The following RALYL variants were observed in gnomAD, a reference collection of about 807,000 sequenced individuals.
The protein encoded by RALYL is RNA-binding Raly-like protein.
In RALYL, 29 loss-of-function variants were observed where a neutral mutation model predicts 35.1. That is an observed-to-expected ratio of 0.83 (90% CI 0.61 to 1.13). The LOEUF (loss-of-function observed/expected upper bound fraction) is 1.13, where lower values mean the gene tolerates loss of function less well. RALYL is among the 50% of genes most tolerant of loss of function. The pLI is 0.00. For missense variants in RALYL, 359 were observed against 360.4 expected (o/e 1.00, Z 0.03); for synonymous variants, 120 against 127.6 (o/e 0.94, Z 0.40).
chr8:84,735,809 C>CGTGAGAGAGAGAGAGAGAGA (rs766504736), intron 2 of RALYL, among the ~76,000 whole-genome samples: 39 of 119,108 alleles, frequency 3.3e-4, no homozygotes, highest in African/African-American at 1.2e-3. Flanking sequence ...TCATCCAAAC[C>CGTGAGAGAGAGAGAGAGAGA]GCGAGAGAGA....
chr8:84,559,592 T>C (rs1452615530), intron 2 of RALYL, among the ~76,000 whole-genome samples: 2 of 152,128 alleles, frequency 1.3e-5, no homozygotes, highest in Non-Finnish European at 2.9e-5. Flanking sequence ...TGGACTATTT[T>C]GATTCATAAT....
chr8:84,271,302 T>C (rs914595379), intron 1 of RALYL, among the ~76,000 whole-genome samples: 1 of 151,962 alleles, frequency 6.6e-6, no homozygotes, highest in Non-Finnish European at 1.5e-5. Context: ...CTCAACATCA[T>C]TAGGCATTAG....
intron 2 of RALYL, among the ~76,000 whole-genome samples, chr8:84,608,867 G>A (rs1018801744): frequency 3.9e-5 from 6 of 152,112 alleles, no homozygotes; most frequent in African/African-American, 1.2e-4. Flanking sequence ...ACCACGTTGC[G>A]TTCTGGGATT....
chr8:84,890,032 T>C (rs562168944), intron 8 of RALYL, among the ~76,000 whole-genome samples: 1 of 152,314 alleles, frequency 6.6e-6, no homozygotes, highest in South Asian at 2.1e-4. Context: ...TAAATATCTT[T>C]ATAAACTATC....
chr8:84,850,504 T>C (rs984499035), intron 5 of RALYL, among the ~76,000 whole-genome samples: 3 of 152,184 alleles, frequency 2.0e-5, no homozygotes, highest in Non-Finnish European at 4.4e-5. Flanking sequence ...GATGAGACCA[T>C]CCAATGAGGA....
chr8:84,387,033 G>A (rs1586770092), intron 1 of RALYL, among the ~76,000 whole-genome samples: 1 of 151,828 alleles, frequency 6.6e-6, no homozygotes, highest in East Asian at 1.9e-4. Context: ...AGGGTAGAGA[G>A]TGTCTCCTTC....
intron 1 of RALYL, among the ~76,000 whole-genome samples, chr8:84,247,700 C>T (rs1254201209): frequency 6.6e-6 from 1 of 152,034 alleles, no homozygotes; most frequent in Non-Finnish European, 1.5e-5. Context: ...TTTCCAAGAG[C>T]TTATAATAAA....
At chr8:84,499,045 T>TA (rs1587801436) in intron 1 of RALYL, among the ~76,000 whole-genome samples, 2 of 151,672 alleles carry the variant, frequency 1.3e-5, no homozygotes, top group African/African-American at 4.8e-5. Flanking sequence ...AGCAGTCTTA[T>TA]AAGTAAAAGG....
chr8:84,464,119 A>C (rs1270996065), intron 1 of RALYL, among the ~76,000 whole-genome samples: 2 of 147,436 alleles, frequency 1.4e-5, no homozygotes, highest in Non-Finnish European at 3.0e-5. Flanking sequence ...TTATTTAAAA[A>C]CATTAAAACA....
chr8:84,885,334 T>G (rs1229197552), intron 7 of RALYL, among the ~76,000 whole-genome samples: 3 of 152,122 alleles, frequency 2.0e-5, no homozygotes, highest in African/African-American at 7.2e-5. Context: ...AGTTTTACCT[T>G]CTTAAATTGG....
intron 3 of RALYL, among the ~76,000 whole-genome samples, chr8:84,776,068 C>G (rs909132744): frequency 6.6e-6 from 1 of 152,120 alleles, no homozygotes; most frequent in Non-Finnish European, 1.5e-5. Context: ...TCCTTTTTCT[C>G]TGATATCATT....
chr8:84,299,748 G>T (rs1260595510), intron 1 of RALYL, among the ~76,000 whole-genome samples: 1 of 151,990 alleles, frequency 6.6e-6, no homozygotes, highest in Non-Finnish European at 1.5e-5. Flanking sequence ...TCTAATTTGT[G>T]TGCATAGAAG....
intron 1 of RALYL, among the ~76,000 whole-genome samples, chr8:84,371,215 AT>A (rs1458268305): frequency 6.6e-6 from 1 of 152,022 alleles, no homozygotes; most frequent in Non-Finnish European, 1.5e-5. Flanking sequence ...TATATTTAAT[AT>A]TATCTGAGGA....
chr8:84,206,721 A>G (rs1013889310), intron 1 of RALYL, among the ~76,000 whole-genome samples: 3 of 152,192 alleles, frequency 2.0e-5, no homozygotes, highest in Non-Finnish European at 4.4e-5. Flanking sequence ...AATTGTGGGC[A>G]GCAAAGAGAT....
At chr8:84,677,757 A>G (rs981221341) in intron 2 of RALYL, among the ~76,000 whole-genome samples, 1 of 152,232 alleles carries the variant, frequency 6.6e-6, no homozygotes, top group Non-Finnish European at 1.5e-5. Flanking sequence ...TCTTAAAGCT[A>G]TGGCTAACCC....
intron 1 of RALYL, among the ~76,000 whole-genome samples, chr8:84,263,393 A>G (rs1227340134): frequency 6.6e-6 from 1 of 152,206 alleles, no homozygotes; most frequent in African/African-American, 2.4e-5. Flanking sequence ...ATTAAAAAAT[A>G]GCAAGTTTCT....
At chr8:84,333,930 G>C (rs1847295208) in intron 1 of RALYL, among the ~76,000 whole-genome samples, 1 of 152,104 alleles carries the variant, frequency 6.6e-6, no homozygotes, top group African/African-American at 2.4e-5. Context: ...GTGTTGCCCA[G>C]GTTGGAGGGC....
intron 2 of RALYL, among the ~76,000 whole-genome samples, chr8:84,644,249 G>A (rs1241849419): frequency 1.3e-5 from 2 of 151,972 alleles, no homozygotes; most frequent in African/African-American, 2.4e-5. Context: ...TGCACTTTTA[G>A]GCTAGACTCT....
At chr8:84,734,031 G>A (rs1047779305) in intron 2 of RALYL, among the ~76,000 whole-genome samples, 3 of 152,270 alleles carry the variant, frequency 2.0e-5, no homozygotes, top group East Asian at 1.9e-4. Context: ...ACCTTTTCAC[G>A]TGGGGCTATG....
Sources: allele counts gnomAD v4.1 joint callset (sites outside exome capture counted in the v4.1 genomes callset), GRCh38; gene constraint gnomAD v4.1.1; transcripts MANE v1.5; gene names NCBI Gene and HGNC (gene_info 2026-07-23, HGNC 2026-07-21).